The following GLI2 variants were observed in gnomAD, a reference collection of about 807,000 sequenced individuals.
GLI2 encodes transcription activator GLI2.
Under a neutral mutation model 78.9 loss-of-function variants are expected in GLI2, and 22 were observed. The ratio of observed to expected loss-of-function variants is 0.28; its 90% CI spans 0.20 to 0.40. GLI2 has a LOEUF of 0.40. Among genes scored for constraint, GLI2 ranks in the 10% least tolerant of loss-of-function variants. The pLI, the probability that GLI2 is intolerant of heterozygous loss-of-function variation, is 1.00. For synonymous variants in GLI2, 974 were observed against 963.7 expected (o/e 1.01, Z -0.20); for missense variants, 2,097 against 2,213.2 (o/e 0.95, Z 1.05).
At chr2:120,779,406 A>T (rs963573201) in intron 1 of GLI2, among the ~76,000 whole-genome samples, 1 of 152,194 alleles carries the variant, frequency 6.6e-6, no homozygotes, top group African/African-American at 2.4e-5. Context: ...TCCTGGCCTA[A>T]CAGGCAACTG....
chr2:120,983,027 A>T (rs111496755), intron 11 of GLI2, 147 bp downstream of exon 11: 63 of 621,000 alleles, frequency 1.0e-4, no homozygotes, highest in Non-Finnish European at 1.6e-4. Flanking sequence ...GATACAGACC[A>T]GGACTCTTTG....
intron 2 of GLI2, chr2:120,867,509 T>TGCCGCTGGGCAGTGCC (rs1047273506): frequency 6.6e-6 from 1 of 152,340 alleles, no homozygotes. Context: ...CCGCCTCTCC[T>TGCCGCTGGGCAGTGCC]GCCGCTGGGC....
rs75183074 is a variant in GLI2, at chr2:120,932,233, T to C, written c.254+4767T>C. Among the ~76,000 whole-genome samples the C allele has an allele frequency of 6.7e-3, 1,025 of 152,258 alleles. 10 individuals are homozygous for C. The highest frequency in any genetic ancestry group is 0.024 in the African/African-American group (994 of 41,526). On this transcript the variant is annotated intron_variant, in intron 3 of 13. Transcript: ENST00000361492. ...ACAGATGTTTGCACAGCAAATGAGG[T>C]ACGGTGTCATCTCATTTCTGTGTCA... is the stretch of plus-strand genomic sequence containing the variant.
intron 2 of GLI2, among the ~76,000 whole-genome samples, chr2:120,891,832 G>A (rs1677697462): frequency 6.6e-6 from 1 of 152,236 alleles, no homozygotes; most frequent in Admixed American, 6.5e-5. Context: ...TTGCACACCA[G>A]GCTGTCCTCA....
chr2:120,928,985 G>A (rs1221352783), intron 3 of GLI2, among the ~76,000 whole-genome samples: 2 of 152,060 alleles, frequency 1.3e-5, no homozygotes, highest in Non-Finnish European at 2.9e-5. Context: ...TGGATCCCAC[G>A]TGGCACTTGG....
At chr2:120,851,278 C>A (rs1454428999) in intron 2 of GLI2, among the ~76,000 whole-genome samples, 1 of 152,130 alleles carries the variant, frequency 6.6e-6, no homozygotes, top group Non-Finnish European at 1.5e-5. Context: ...GGCTGGGCCA[C>A]CTTAAGGGAG....
intron 2 of GLI2, among the ~76,000 whole-genome samples, chr2:120,826,233 G>A (rs1226325969): frequency 6.6e-6 from 1 of 152,190 alleles, no homozygotes; most frequent in African/African-American, 2.4e-5. Context: ...ACAGAGAGGG[G>A]CTGAGTGCAT....
chr2:120,987,198 C>T (rs116012545), intron 13 of GLI2, among the ~76,000 whole-genome samples: 8 of 152,192 alleles, frequency 5.3e-5, no homozygotes, highest in Non-Finnish European at 8.8e-5. Context: ...GCGTCTTTAA[C>T]GAGCATGTCT....
At chr2:120,889,640 A>C (rs746226649) in intron 2 of GLI2, among the ~76,000 whole-genome samples, 3 of 152,204 alleles carry the variant, frequency 2.0e-5, no homozygotes, top group Admixed American at 6.5e-5. Flanking sequence ...AGTAAAAAAG[A>C]AACAATATAA....
At position 120,985,459 on chromosome 2, in the gene GLI2, T is replaced by C. The variant is rs562562555; in HGVS notation, c.1905+716T>C. Among the ~76,000 whole-genome samples the C allele has an allele frequency of 2.6e-5, 4 of 152,188 alleles. No individual in the cohort carries two copies. The South Asian group carries it at 8.3e-4, about 32-fold the overall frequency. ...GGACAGAGTGACAGGGAGGCATGCG[T>C]CTAGGCTACAGAAGGTCCTGAGGGT... On this transcript the variant is annotated intron_variant, in intron 12 of 13. Transcript: ENST00000361492.
At chr2:120,783,407 A>G (rs1284321811) in intron 1 of GLI2, among the ~76,000 whole-genome samples, 2 of 152,116 alleles carry the variant, frequency 1.3e-5, no homozygotes, top group Non-Finnish European at 2.9e-5. Context: ...GGGGGCTGGC[A>G]GGGAGACCAT....
chr2:120,882,937 A>G (rs570652813), intron 2 of GLI2, among the ~76,000 whole-genome samples: 1 of 152,300 alleles, frequency 6.6e-6, no homozygotes, highest in Admixed American at 6.5e-5. Context: ...AAGATACAGA[A>G]CAGTTCCCTC....
At chr2:120,797,517 A>G in intron 2 of GLI2, 49 bp downstream of exon 2, 3 of 1,567,218 alleles carry the variant, frequency 1.9e-6, no homozygotes, top group Non-Finnish European at 2.6e-6. Flanking sequence ...GTTTTTCATT[A>G]GCCCGTTAGG....
chr2:120,911,537 A>T (rs1187936), intron 2 of GLI2, among the ~76,000 whole-genome samples: 2 of 151,902 alleles, frequency 1.3e-5, no homozygotes, highest in African/African-American at 2.4e-5. Flanking sequence ...TTAGACTGAC[A>T]GTCGGTAGCT....
At position 120,795,427 on chromosome 2, in the gene GLI2, G is replaced by T. The variant is rs544180690; in HGVS notation, c.-30-1864G>T. Among the ~76,000 whole-genome samples, 370 of 151,728 alleles carry T rather than the reference G, an allele frequency of 2.4e-3. 1 individual carries two copies. The highest frequency in any genetic ancestry group is 3.6e-3 in the Non-Finnish European group (247 of 67,922). ...AATCCCAGCTACTCAGGAGGCTGAGGCAGGAGAATCTTTTGAATCTGGGTG... is the reference window on the plus strand; with the variant it reads ...AATCCCAGCTACTCAGGAGGCTGAGTCAGGAGAATCTTTTGAATCTGGGTG... On this transcript the variant is annotated intron_variant, in intron 1 of 13. Transcript: ENST00000361492.
At chr2:120,756,000 C>T (rs1683024645) in intron 1 of GLI2, among the ~76,000 whole-genome samples, 1 of 152,154 alleles carries the variant, frequency 6.6e-6, no homozygotes, top group Non-Finnish European at 1.5e-5. Context: ...GTCTTGAAGT[C>T]AGGTAGCTTA....
intron 1 of GLI2, among the ~76,000 whole-genome samples, chr2:120,765,891 TAGG>T (rs1683352181): frequency 6.6e-6 from 1 of 152,182 alleles, no homozygotes; most frequent in Non-Finnish European, 1.5e-5. Context: ...GGGAATGAGA[TAGG>T]AGATGTTGAT....
At position 120,854,444 on chromosome 2, in the gene GLI2, A is replaced by AG. The variant is rs535650779; in HGVS notation, c.148+56982dup. Among the ~76,000 whole-genome samples the AG allele has an allele frequency of 3.5e-3, 532 of 152,266 alleles. 4 individuals carry two copies. Among genetic ancestry groups the AG allele is most frequent in the African/African-American group, 0.012 (507 of 41,544 alleles). On this transcript the variant is annotated intron_variant, in intron 2 of 13. Coordinates refer to ENST00000361492, the MANE Select transcript of GLI2 (RefSeq NM_001374353.1). ...ATATCACCTGCCCAGTGCTGCTTCA[A>AG]GGGGGGCTGCCCCAGTCATCTGCTG...
intron 3 of GLI2, among the ~76,000 whole-genome samples, chr2:120,932,029 C>G (rs1410457662): frequency 2.0e-5 from 3 of 152,166 alleles, no homozygotes; most frequent in Non-Finnish European, 2.9e-5. Context: ...AAAGCCCATG[C>G]CCTCACCTCT....
Sources: gnomAD v4.1 joint callset for allele counts (sites outside exome capture counted in the v4.1 genomes callset) on GRCh38, gnomAD v4.1.1 for gene constraint, MANE v1.5 for transcripts, NCBI Gene and HGNC (gene_info 2026-07-23, HGNC 2026-07-21) for gene names.